The following ATXN3 variants were observed in gnomAD, a reference collection of about 807,000 sequenced individuals.
ATXN3 encodes the protein ataxin-3.
ATXN3 carries 28 observed loss-of-function variants against 58.2 expected under a neutral mutation model. The observed-to-expected ratio is 0.48, with a 90% CI of 0.36 to 0.66. ATXN3 has a LOEUF of 0.66. Ranked by LOEUF, ATXN3 falls within the 30% of genes least tolerant of loss-of-function variation. ATXN3 has a pLI of 0.00. For synonymous variants in ATXN3, 113 were observed against 138.5 expected (o/e 0.82, Z 1.29); for missense variants, 321 against 422.1 (o/e 0.76, Z 2.10).
chr14:92,081,861 C>T (rs1028336306), intron 8 of ATXN3, among the ~76,000 whole-genome samples: 12 of 152,092 alleles, frequency 7.9e-5, no homozygotes, highest in Non-Finnish European at 1.3e-4. Context: ...GTTTATATCA[C>T]TAAAAAACTG....
At chr14:92,095,140 T>C (rs965736353) in intron 3 of ATXN3, among the ~76,000 whole-genome samples, 1 of 151,192 alleles carries the variant, frequency 6.6e-6, no homozygotes, top group African/African-American at 2.4e-5. Flanking sequence ...AATAAGGAAA[T>C]CCAGTCTGGT....
intron 9 of ATXN3, chr14:92,071,520 C>T (rs987713765): frequency 2.3e-4 from 78 of 333,822 alleles, no homozygotes; most frequent in African/African-American, 1.3e-3. Context: ...TCACTTGAAC[C>T]GGGGAGGTAG....
chr14:92,083,192 A>C lies in ATXN3; in HGVS notation c.542T>G (p.Ile181Ser). Residue 181 changes from isoleucine to serine, a missense_variant, in exon 7 of 11, where the codon ATT (isoleucine) becomes AGT (serine). Physicochemically the swap from Ile to Ser is moderately radical, Grantham distance 142. Around this residue, in one of 2 missense-constraint regions of ATXN3, gnomAD observed 200 missense variants for 223.2 expected, o/e 0.90. Coordinates refer to ENST00000644486, the MANE Select transcript of ATXN3 (RefSeq NM_004993.6). ...DCEADQLLQM[I>S]RVQQMHRPKL... ...TGGTCGATGCATCTGTTGGACCCTA[A>C]TCATCTGCAGGAGTTGGTCAGCTTC... is the stretch of plus-strand genomic sequence containing the variant. 1 of 1,613,972 alleles carries C rather than the reference A, an allele frequency of 6.2e-7. No individual in the cohort carries two copies. The highest frequency in any genetic ancestry group is 8.5e-7 in the Non-Finnish European group (1 of 1,179,962).
chr14:92,055,991 T>C (rs2057463632), downstream of ATXN3, among the ~76,000 whole-genome samples: 1 of 151,958 alleles, frequency 6.6e-6, no homozygotes, highest in African/African-American at 2.4e-5. The surrounding 1 kb of genome is among the most constrained non-coding windows in gnomAD (Gnocchi z 4.5). Context: ...CTTCTCTGGG[T>C]CTGGCAAAAG....
At chr14:92,096,037 T>C in intron 3 of ATXN3, 56 bp downstream of exon 3, 2 of 1,357,970 alleles carry the variant, frequency 1.5e-6, no homozygotes, top group East Asian at 4.6e-5. Context: ...ATTGAAAGGC[T>C]GTGAAACGGT....
At chr14:92,052,200 T>A (rs1011043926), upstream of ATXN3, among the ~76,000 whole-genome samples, 11 of 151,936 alleles carry the variant, frequency 7.2e-5, no homozygotes, top group African/African-American at 1.2e-4. Context: ...ACAAAAAAAA[T>A]GTTCGCATCT....
intron 5 of ATXN3, chr14:92,090,557 T>C (rs1391087218): frequency 1.3e-5 from 2 of 152,200 alleles, no homozygotes; most frequent in Non-Finnish European, 2.9e-5. Flanking sequence ...TCTTTTTCAT[T>C]ATACAGGGAC....
intron 9 of ATXN3, among the ~76,000 whole-genome samples, chr14:92,077,012 T>A (rs10142041): frequency 0.28 from 41,080 of 149,124 alleles, 5,910 homozygotes; most frequent in East Asian, 0.44. Context: ...TGGAAAGCAA[T>A]TTAGAAATCT....
At chr14:92,086,461 A>C (rs1012900135) in intron 6 of ATXN3, among the ~76,000 whole-genome samples, 1 of 151,450 alleles carries the variant, frequency 6.6e-6, no homozygotes, top group African/African-American at 2.4e-5. Context: ...GCTACTCGGG[A>C]GGCTGAGGCA....
chr14:92,086,437 T>C (rs1338086733), intron 6 of ATXN3, among the ~76,000 whole-genome samples: 1 of 151,150 alleles, frequency 6.6e-6, no homozygotes, highest in Non-Finnish European at 1.5e-5. Context: ...TGGTGGCACA[T>C]GCCTGTAAAT....
At chr14:92,075,139 T>C (rs967050230) in intron 9 of ATXN3, among the ~76,000 whole-genome samples, 1 of 150,312 alleles carries the variant, frequency 6.7e-6, no homozygotes, top group Admixed American at 6.7e-5. Context: ...TCATAAATTA[T>C]GAATCTGTAA....
rs188823821 is a variant in ATXN3 at position 92,066,547 on chromosome 14, C to T, written c.992-2133G>A. Among the ~76,000 whole-genome samples, 94 of 151,016 alleles carry T rather than the reference C, an allele frequency of 6.2e-4. No homozygotes were observed. In the Middle Eastern group the frequency reaches 0.017, roughly 28 times the overall value. On this transcript the variant is annotated intron_variant, in intron 10 of 10. Coordinates refer to ENST00000644486, the MANE Select transcript of ATXN3 (RefSeq NM_004993.6). ...AGACAAATCGTTAATTTTCCCTTCACTCCTGAAGGATATTTCACTGGATAT... is the reference window on the plus strand; with the variant it reads ...AGACAAATCGTTAATTTTCCCTTCATTCCTGAAGGATATTTCACTGGATAT...
chr14:92,100,682 G>A (rs2066567105), intron 1 of ATXN3, among the ~76,000 whole-genome samples: 1 of 152,136 alleles, frequency 6.6e-6, no homozygotes, highest in Non-Finnish European at 1.5e-5. Flanking sequence ...ACTCATTTAT[G>A]ATGTCAGAAT....
At chr14:92,064,984 G>A (rs545162568) in intron 10 of ATXN3, among the ~76,000 whole-genome samples, 4 of 152,264 alleles carry the variant, frequency 2.6e-5, no homozygotes, top group South Asian at 2.1e-4. Flanking sequence ...TTGGCACAAC[G>A]TTATATGTAG....
At chr14:92,085,919 G>A (rs13379287) in intron 6 of ATXN3, among the ~76,000 whole-genome samples, 1,814 of 152,250 alleles carry the variant, frequency 0.012, 37 homozygotes, top group African/African-American at 0.039. Context: ...TGGGCTGAAG[G>A]CCAAAGGTAG....
intron 9 of ATXN3, chr14:92,071,513 C>G: frequency 3.0e-6 from 1 of 337,016 alleles, no homozygotes; most frequent in South Asian, 2.4e-5. Context: ...AGGAGAATCA[C>G]TTGAACCGGG....
At position 92,088,717 on chromosome 14, in the gene ATXN3, A is replaced by T; in HGVS notation, c.475+13T>A. ...CGAAAGGTAACATTACAAAATGTTCAGCCGTTACTTACCTTCCTGTTGTAA... is the reference window on the plus strand; with the variant it reads ...CGAAAGGTAACATTACAAAATGTTCTGCCGTTACTTACCTTCCTGTTGTAA... On this transcript the variant is annotated intron_variant, in intron 6 of 10. Transcript: ENST00000644486. 1 of 1,544,758 alleles carries T rather than the reference A, an allele frequency of 6.5e-7. No homozygotes were observed. The highest frequency in any genetic ancestry group is 8.9e-7 in the Non-Finnish European group (1 of 1,119,064).
rs764156853 is a variant in ATXN3 at position 92,081,051 on chromosome 14, T to G, written c.786A>C (p.Arg262Ser). The part of the protein sequence containing the change: ...AIQLSMQGSS[R>S]NISQDMTQTS... ...TCTGTGTCATATCTTGAGATATGTT[T>G]CTGGAACTACCTGAAAACAAAACAC... The change falls in exon 9 of 11, where the codon AGA (arginine) becomes AGC (serine). Residue 262 changes from arginine (R) to serine (S), a missense_variant. Transcript: ENST00000644486. 6 of 1,606,560 alleles carry G rather than the reference T, an allele frequency of 3.7e-6. No individual in the cohort carries two copies. The Admixed American group carries it at 1.0e-4, about 27-fold the overall frequency.
chr14:92,070,883 G>T (rs745718634), intron 10 of ATXN3, 52 bp downstream of exon 10: 2 of 1,613,720 alleles, frequency 1.2e-6, no homozygotes, highest in Admixed American at 3.3e-5. Flanking sequence ...GAGCTCGTAT[G>T]TCAGATAAAG....
Sources: gnomAD v4.1 joint callset for allele counts (sites outside exome capture counted in the v4.1 genomes callset) on GRCh38, gnomAD v4.1.1 for gene constraint, gnomAD v4.1.1 regional missense constraint, Gnocchi (gnomAD v3.1) non-coding constraint, MANE v1.5 for transcripts, NCBI Gene and HGNC (gene_info 2026-07-23, HGNC 2026-07-21) for gene names.